Variants in RNF175 observed in about 807,000 individuals in gnomAD.
RNF175 encodes the protein ring finger protein 175.
RNF175 carries 38 observed loss-of-function variants against 50.0 expected under a neutral mutation model. The ratio of observed to expected loss-of-function variants is 0.76; its 90% CI spans 0.59 to 1.00. The LOEUF is 1.00. Ranked by LOEUF, RNF175 falls within the 50% of genes least tolerant of loss-of-function variation. The pLI is 0.00. For missense variants in RNF175, 388 were observed against 409.6 expected (o/e 0.95, Z 0.46); for synonymous variants, 155 against 146.1 (o/e 1.06, Z -0.44).
At chr4:153,713,028 A>G (rs575793148) in intron 7 of RNF175, 1 of 153,318 alleles carries the variant, frequency 6.5e-6, no homozygotes, top group South Asian at 2.1e-4. Context: ...GACAAGTTAA[A>G]ATTATTTGTG....
At chr4:153,727,963 C>T (rs1738802066) in intron 4 of RNF175, among the ~76,000 whole-genome samples, 1 of 152,178 alleles carries the variant, frequency 6.6e-6, no homozygotes, top group Non-Finnish European at 1.5e-5. Flanking sequence ...CTTCTTTCTT[C>T]TGCATTTCAC....
intron 8 of RNF175, among the ~76,000 whole-genome samples, chr4:153,711,215 T>A (rs1275767380): frequency 2.0e-5 from 3 of 152,226 alleles, no homozygotes; most frequent in Non-Finnish European, 4.4e-5. Context: ...AACCAAAAAC[T>A]GTTCTGGACT....
intron 3 of RNF175, among the ~76,000 whole-genome samples, chr4:153,735,784 A>G (rs376816149): frequency 4.3e-4 from 65 of 152,222 alleles, no homozygotes; most frequent in African/African-American, 1.5e-3. Flanking sequence ...TTGTGTTTTA[A>G]TTTCAAATTC....
chr4:153,757,183 C>T (rs1740607339), intron 1 of RNF175, among the ~76,000 whole-genome samples: 1 of 152,172 alleles, frequency 6.6e-6, no homozygotes, highest in Admixed American at 6.5e-5. Context: ...TCCAGGACAC[C>T]CTTTCGGTGA....
rs1178058531 is a variant in RNF175 at position 153,734,833 on chromosome 4, A to G, written c.247-6472T>C. ...TGGGACTACAGGCACCCGCCACCACACCCAGCTAATTTTTTGTATTTTTTA... is the reference window on the plus strand; with the variant it reads ...TGGGACTACAGGCACCCGCCACCACGCCCAGCTAATTTTTTGTATTTTTTA... On this transcript the variant is annotated intron_variant, in intron 3 of 8. Coordinates refer to ENST00000347063, the MANE Select transcript of RNF175 (RefSeq NM_173662.4). Among the ~76,000 whole-genome samples the G allele has an allele frequency of 5.3e-5, 8 of 150,080 alleles. No individual in the cohort carries two copies. In the South Asian group the frequency reaches 1.7e-3, roughly 32 times the overall value.
At chr4:153,720,831 T>C (rs1738293230) in intron 5 of RNF175, among the ~76,000 whole-genome samples, 1 of 152,252 alleles carries the variant, frequency 6.6e-6, no homozygotes. Flanking sequence ...AAGAGCTTGT[T>C]AAGTGATTGA....
At chr4:153,750,965 T>C (rs936981819) in intron 2 of RNF175, among the ~76,000 whole-genome samples, 1 of 148,574 alleles carries the variant, frequency 6.7e-6, no homozygotes, top group African/African-American at 2.4e-5. Context: ...TGAAGTACTT[T>C]GAAAAGTATA....
At chr4:153,746,559 G>C (rs916186608) in intron 3 of RNF175, among the ~76,000 whole-genome samples, 2 of 151,742 alleles carry the variant, frequency 1.3e-5, no homozygotes, top group African/African-American at 4.8e-5. Context: ...GCTCTCCTAG[G>C]CTGGAGTTGC....
chr4:153,738,751 T>C (rs574804947), intron 3 of RNF175, among the ~76,000 whole-genome samples: 2 of 152,372 alleles, frequency 1.3e-5, no homozygotes, highest in East Asian at 1.9e-4. Context: ...ATATCTACCA[T>C]GTATGTAACT....
In RNF175 at chr4:153,728,020, T is replaced by C. The variant is rs114062132; in HGVS notation, c.401+187A>G. On this transcript the variant is annotated intron_variant, in intron 4 of 8. Transcript: ENST00000347063. ...AATTTTACATGCATATCTGAATTGC[T>C]ATTAAATAATGAAGGCAAACTAAGA... Among the ~76,000 whole-genome samples the C allele has an allele frequency of 8.7e-3, 1,321 of 152,370 alleles. 14 individuals are homozygous for C. Among genetic ancestry groups the C allele is most frequent in the African/African-American group, 0.03 (1,267 of 41,588 alleles).
chr4:153,748,092 C>A (rs759140430), intron 3 of RNF175, among the ~76,000 whole-genome samples: 37 of 152,298 alleles, frequency 2.4e-4, no homozygotes, highest in South Asian at 6.2e-4. Context: ...AAGGGCAGAG[C>A]CCTTATGGCC....
chr4:153,733,559 T>C (rs1294373738), intron 3 of RNF175, among the ~76,000 whole-genome samples: 1 of 152,232 alleles, frequency 6.6e-6, no homozygotes, highest in African/African-American at 2.4e-5. Context: ...TTGCAGTTCC[T>C]ATTGCCTTCA....
intron 3 of RNF175, among the ~76,000 whole-genome samples, chr4:153,747,917 G>GA: frequency 6.6e-6 from 1 of 152,246 alleles, no homozygotes; most frequent in Non-Finnish European, 1.5e-5. Context: ...CTGGAGGCTA[G>GA]AAAGTACAAG....
intron 4 of RNF175, among the ~76,000 whole-genome samples, chr4:153,726,371 C>T (rs1272545021): frequency 1.3e-5 from 2 of 152,220 alleles, no homozygotes; most frequent in East Asian, 1.9e-4. Context: ...TCCCAAAGTG[C>T]TGGGATTACA....
intron 4 of RNF175, among the ~76,000 whole-genome samples, chr4:153,726,560 C>T (rs1468679671): frequency 2.0e-5 from 3 of 152,162 alleles, no homozygotes; most frequent in Non-Finnish European, 4.4e-5. Context: ...TGCTGGAGAC[C>T]ACTGCTCATG....
intron 8 of RNF175, among the ~76,000 whole-genome samples, chr4:153,712,149 T>G (rs1737629079): frequency 6.6e-6 from 1 of 152,248 alleles, no homozygotes; most frequent in Non-Finnish European, 1.5e-5. Flanking sequence ...TTCACTCATT[T>G]ATTCATCCAT....
Position 153,723,460 on chromosome 4 carries a change from T to TGTG in RNF175, c.402-5_402-3dup, listed in dbSNP as rs1473401916. 2.0e-6 allele frequency: 3 copies of TGTG among 1,466,106 alleles called. No individual in the cohort carries two copies. The highest frequency in any genetic ancestry group is 3.4e-5 in the Admixed American group (2 of 58,870). The allele number at this position is 1,466,106 out of a possible 1,614,324, so 90.8% of individuals were successfully genotyped here. A position where few individuals can be genotyped will look rare whatever the true frequency, so the allele number is the denominator to read the frequency against. ...AAAAGAAACCATTTGTAGACCAATC[T>TGTG]GTGGAGTGAAAAATGGGGAGAAACA... is the stretch of plus-strand genomic sequence containing the variant. On this transcript the variant is annotated splice_polypyrimidine_tract_variant and splice_region_variant and intron_variant, in intron 4 of 8. Coordinates refer to ENST00000347063, the MANE Select transcript of RNF175 (RefSeq NM_173662.4).
chr4:153,718,246 TTTTTTTG>T (rs1738106868), intron 6 of RNF175, among the ~76,000 whole-genome samples: 1 of 137,186 alleles, frequency 7.3e-6, no homozygotes, highest in African/African-American at 2.7e-5. Context: ...TTGTTTTTTT[TTTTTTTG>T]AAGCAGATGC....
chr4:153,751,306 T>A (rs954846099), intron 2 of RNF175, 132 bp downstream of exon 2: 2 of 686,074 alleles, frequency 2.9e-6, no homozygotes, highest in African/African-American at 3.7e-5. Context: ...CTGTAGTATT[T>A]GTGTATCCTA....
Sources: allele counts gnomAD v4.1 joint callset (sites outside exome capture counted in the v4.1 genomes callset), GRCh38; gene constraint gnomAD v4.1.1; transcripts MANE v1.5; gene names NCBI Gene and HGNC (gene_info 2026-07-23, HGNC 2026-07-21).